The following SASH1 variants were observed in gnomAD, a reference collection of about 807,000 sequenced individuals.
The protein encoded by SASH1 is SAM and SH3 domain-containing protein 1.
Under a neutral mutation model 125.2 loss-of-function variants are expected in SASH1, and 44 were observed. That is an observed-to-expected ratio of 0.35 (90% CI 0.28 to 0.45). SASH1 has a LOEUF of 0.45. Among genes scored for constraint, SASH1 ranks in the 20% least tolerant of loss-of-function variants. The pLI, the probability that SASH1 is intolerant of heterozygous loss-of-function variation, is 1.00. For synonymous variants in SASH1, 639 were observed against 649.1 expected, an observed-to-expected ratio of 0.98 and a Z score of 0.24; for missense variants, 1,426 against 1,614.5, an observed-to-expected ratio of 0.88 and a Z score of 2.00.
chr6:148,452,854 G>A (rs557648626), intron 4 of SASH1, among the ~76,000 whole-genome samples: 17 of 152,304 alleles, frequency 1.1e-4, no homozygotes, highest in South Asian at 2.1e-4. Flanking sequence ...ATGACCTTTC[G>A]TTTCTTTTGT....
chr6:148,369,323 T>G (rs1271807156), intron 1 of SASH1, among the ~76,000 whole-genome samples: 1 of 152,218 alleles, frequency 6.6e-6, no homozygotes, highest in East Asian at 1.9e-4. Flanking sequence ...CACATCTGCT[T>G]CACATGTTGA....
At chr6:148,238,504 G>A in the SASH1 span, among the ~76,000 whole-genome samples, 1 of 152,090 alleles carries the variant, frequency 6.6e-6, no homozygotes, top group African/African-American at 2.4e-5. Context: ...GATTACAGGC[G>A]TGAGCCACCG....
chr6:148,545,977 T>TA (rs750295901), intron 18 of SASH1, 38 bp from the exon 19 acceptor site: 28 of 1,599,836 alleles, frequency 1.8e-5, no homozygotes, highest in Non-Finnish European at 1.7e-5. Context: ...ACAAAATCCT[T>TA]ATGACTCTTG....
chr6:148,528,002 G>A (rs1413502700), intron 12 of SASH1, among the ~76,000 whole-genome samples: 1 of 133,084 alleles, frequency 7.5e-6, no homozygotes, highest in Admixed American at 7.5e-5. Flanking sequence ...GGGGGGGGTG[G>A]CAGTAGACTT....
intron 8 of SASH1, among the ~76,000 whole-genome samples, chr6:148,494,799 G>A (rs1194075760): frequency 6.6e-6 from 1 of 152,180 alleles, no homozygotes; most frequent in African/African-American, 2.4e-5. Flanking sequence ...TGGTTGAACT[G>A]TGTCCAAAAC....
At chr6:148,295,417 T>C (rs947506610) in intron 1 of SASH1, among the ~76,000 whole-genome samples, 1 of 152,138 alleles carries the variant, frequency 6.6e-6, no homozygotes, top group Non-Finnish European at 1.5e-5. Flanking sequence ...AGTAAACAAA[T>C]CAACAATCAA....
intron 1 of SASH1, among the ~76,000 whole-genome samples, chr6:148,309,229 T>C (rs909279337): frequency 1.3e-5 from 2 of 152,118 alleles, no homozygotes; most frequent in African/African-American, 4.8e-5. Flanking sequence ...GAAAGAGTGA[T>C]GGAGTATAAA....
intron 9 of SASH1, among the ~76,000 whole-genome samples, chr6:148,517,138 A>C (rs1247492342): frequency 6.6e-6 from 1 of 152,134 alleles, no homozygotes; most frequent in Non-Finnish European, 1.5e-5. Context: ...TAACTCTTTT[A>C]TGAGGATAAT....
Position 148,427,851 on chromosome 6 carries a change from G to C in SASH1, c.286-12333G>C, listed in dbSNP as rs76003910. Among the ~76,000 whole-genome samples the C allele has an allele frequency of 2.7e-4, 41 of 152,298 alleles. 1 individual carries two copies. In the East Asian group the frequency reaches 7.7e-3, roughly 29 times the overall value. On this transcript the variant is annotated intron_variant, in intron 2 of 19. Transcript: ENST00000367467. ...ATGGGTACGGGAGTGTGGACCTCAG[G>C]GAGGCCCCCTTGGTATGCTCCTCCG...
intron 4 of SASH1, among the ~76,000 whole-genome samples, chr6:148,458,996 A>G (rs1471832994): frequency 6.8e-6 from 1 of 147,792 alleles, no homozygotes; most frequent in Admixed American, 6.7e-5. Flanking sequence ...ACACACACAC[A>G]CACACACACA....
intron 1 of SASH1, among the ~76,000 whole-genome samples, chr6:148,387,619 T>TCTTTCTTTCTTTCTTTCTTC: frequency 2.6e-5 from 1 of 38,696 alleles, no homozygotes; most frequent in East Asian, 3.8e-4. Context: ...TTTCTTTCTT[T>TCTTTCTTTCTTTCTTTCTTC]CTTTCTTTCT....
the SASH1 span, among the ~76,000 whole-genome samples, chr6:148,200,305 A>G: frequency 0.65 from 98,398 of 152,138 alleles, 32,486 homozygotes; most frequent in African/African-American, 0.78. Flanking sequence ...AGCCTGAAAC[A>G]TTGGTTCAGC....
At chr6:148,485,068 GA>G (rs71652057) in intron 7 of SASH1, among the ~76,000 whole-genome samples, 6 of 151,250 alleles carry the variant, frequency 4.0e-5, no homozygotes, top group African/African-American at 1.5e-4. Context: ...CATACAGCAG[GA>G]AAAAAAAATC....
chr6:148,406,763 A>G (rs930759146), intron 2 of SASH1, among the ~76,000 whole-genome samples: 28 of 151,998 alleles, frequency 1.8e-4, no homozygotes, highest in African/African-American at 6.5e-4. Flanking sequence ...AGGAGCAGAG[A>G]GAATCAGGCT....
chr6:148,488,093 C>T (rs1179734061), intron 8 of SASH1, among the ~76,000 whole-genome samples: 5 of 151,990 alleles, frequency 3.3e-5, no homozygotes, highest in African/African-American at 7.2e-5. Flanking sequence ...CATTTCAAAC[C>T]GAAACTCTGT....
At chr6:148,354,704 C>T (rs1054933438) in intron 1 of SASH1, among the ~76,000 whole-genome samples, 3 of 152,102 alleles carry the variant, frequency 2.0e-5, no homozygotes, top group African/African-American at 7.2e-5. Flanking sequence ...AAATGGGACT[C>T]ATTGTGGTTT....
chr6:148,532,164 A>C lies in SASH1; in HGVS notation c.1564+503A>C, dbSNP rs28535104. 0.018 allele frequency among the ~76,000 whole-genome samples: 2,671 copies of C among 151,740 alleles called. 87 individuals carry two copies. Among genetic ancestry groups the C allele is most frequent in the African/African-American group, 0.061 (2,539 of 41,338 alleles). ...GTGATCTCAGCTCACTGCAACCTTC[A>C]CCTCCCTGGCTCAAGGGATCCTCCT... On this transcript the variant is annotated intron_variant, in intron 13 of 19. Transcript: ENST00000367467. This position sits in a 1 kb window ranked among gnomAD's most constrained non-coding sequence, Gnocchi z 4.7.
At chr6:148,470,824 A>G (rs573177000) in intron 5 of SASH1, among the ~76,000 whole-genome samples, 1 of 152,198 alleles carries the variant, frequency 6.6e-6, no homozygotes, top group South Asian at 2.1e-4. Flanking sequence ...TGCCATAAGC[A>G]TGCCATAGCA....
In SASH1 at chr6:148,378,561, C is replaced by T. The variant is rs79302051; in HGVS notation, c.157-11573C>T. Among the ~76,000 whole-genome samples the T allele has an allele frequency of 7.4e-3, 1,121 of 152,238 alleles. 8 individuals are homozygous for T. Among genetic ancestry groups the T allele is most frequent in the African/African-American group, 0.026 (1,087 of 41,532 alleles). On this transcript the variant is annotated intron_variant, in intron 1 of 19. Transcript: ENST00000367467. ...TCTTGGTAGAACTGGGGTTTGACCA[C>T]GATGCTCAGGTTGGTCTCAAACTCC...
Sources: gnomAD v4.1 joint callset for allele counts (sites outside exome capture counted in the v4.1 genomes callset) on GRCh38, gnomAD v4.1.1 for gene constraint, Gnocchi (gnomAD v3.1) non-coding constraint, MANE v1.5 for transcripts, NCBI Gene and HGNC (gene_info 2026-07-23, HGNC 2026-07-21) for gene names.